CNTNAP2: variants seen among roughly 807,000 people sequenced by gnomAD.
The protein encoded by CNTNAP2 is contactin associated protein 2.
CNTNAP2 carries 98 observed loss-of-function variants against 155.2 expected under a neutral mutation model. The ratio of observed to expected loss-of-function variants is 0.63; its 90% CI spans 0.54 to 0.75. The LOEUF is 0.75. CNTNAP2 is among the 30% of genes least tolerant of loss of function. The probability of loss-of-function intolerance (pLI) is 0.00; values close to 1 mark genes in which losing one functional copy is unlikely to be tolerated. For synonymous variants in CNTNAP2, 651 were observed against 631.2 expected (o/e 1.03, Z -0.47); for missense variants, 1,727 against 1,688.1 (o/e 1.02, Z -0.40).
At chr7:148,199,931 A>G (rs1795340910) in intron 18 of CNTNAP2, among the ~76,000 whole-genome samples, 1 of 152,224 alleles carries the variant, frequency 6.6e-6, no homozygotes, top group African/African-American at 2.4e-5. Context: ...AACTGGTGTG[A>G]GTCCTGGAGT....
At chr7:147,563,427 G>C (rs1022729130) in intron 12 of CNTNAP2, among the ~76,000 whole-genome samples, 1 of 151,920 alleles carries the variant, frequency 6.6e-6, no homozygotes, top group Admixed American at 6.6e-5. Context: ...TCAAGAGGTC[G>C]AGACCATTCT....
At chr7:146,528,915 T>C (rs1417969153) in intron 1 of CNTNAP2, among the ~76,000 whole-genome samples, 2 of 152,122 alleles carry the variant, frequency 1.3e-5, no homozygotes, top group Non-Finnish European at 2.9e-5. Context: ...AGTTAAAATA[T>C]AAATAATATA....
At chr7:147,565,351 T>C (rs992057407) in intron 12 of CNTNAP2, among the ~76,000 whole-genome samples, 3 of 151,164 alleles carry the variant, frequency 2.0e-5, no homozygotes, top group Admixed American at 6.6e-5. Flanking sequence ...CCATAAGGAG[T>C]GTAGGGCAGA....
Position 147,362,712 on chromosome 7 carries a change from G to A in CNTNAP2, c.1499-32897G>A, listed in dbSNP as rs113152633. ...TGCATATCTGTGTCCCTTCAAAAAC[G>A]TCATAAAACGCATACCCAAGGTGAA... On this transcript the variant is annotated intron_variant, in intron 9 of 23. Transcript: ENST00000361727. Among the ~76,000 whole-genome samples the A allele has an allele frequency of 4.0e-3, 605 of 152,080 alleles. 6 individuals are homozygous for A. The highest frequency in any genetic ancestry group is 0.013 in the African/African-American group (555 of 41,502).
chr7:148,182,047 G>A (rs1030514884), intron 18 of CNTNAP2, among the ~76,000 whole-genome samples: 3 of 150,802 alleles, frequency 2.0e-5, no homozygotes, highest in Admixed American at 6.6e-5. Context: ...GTGAGCCACC[G>A]CGCCTGGCCA....
intron 13 of CNTNAP2, among the ~76,000 whole-genome samples, chr7:147,680,502 T>C (rs1001405900): frequency 6.6e-6 from 1 of 151,902 alleles, no homozygotes; most frequent in Non-Finnish European, 1.5e-5. Flanking sequence ...AGCAATATAT[T>C]GGGGCCCCGG....
At chr7:147,740,600 A>G (rs1796941311) in intron 13 of CNTNAP2, among the ~76,000 whole-genome samples, 1 of 152,244 alleles carries the variant, frequency 6.6e-6, no homozygotes, top group African/African-American at 2.4e-5. Flanking sequence ...GGGTTTATGA[A>G]TAGGAAGAAA....
At position 148,420,752 on chromosome 7, in the gene CNTNAP2, C is replaced by T. The variant is rs1233104197; in HGVS notation, c.*5136C>T. The T allele has an allele frequency of 1.3e-5, 2 of 152,572 alleles. No homozygotes were observed. Among genetic ancestry groups the T allele is most frequent in the African/African-American group, 4.8e-5 (2 of 41,428 alleles). 9.5% of individuals were successfully genotyped at this position (152,572 alleles called of 1,614,324 possible). A position where few individuals can be genotyped will look rare whatever the true frequency, so the allele number is the denominator to read the frequency against. On this transcript the variant is annotated 3_prime_UTR_variant, in exon 24 of 24. Coordinates refer to ENST00000361727, the MANE Select transcript of CNTNAP2 (RefSeq NM_014141.6). The stretch of plus-strand genomic sequence containing the variant: ...TAAATTTTTTCAGTGAGCGTGGTGA[C>T]TGCAGAGGTTAGTGCTGTGAAAAGC...
In CNTNAP2 at chr7:148,278,463, G is replaced by A. The variant is rs887338222; in HGVS notation, c.3475+11337G>A. ...TGGTCACCTGTAGTCCCAGCTACTCGGGAGGCTGAGGCAGGAGAATGGCGT... is the reference window on the plus strand; with the variant it reads ...TGGTCACCTGTAGTCCCAGCTACTCAGGAGGCTGAGGCAGGAGAATGGCGT... On this transcript the variant is annotated intron_variant, in intron 21 of 23. Transcript: ENST00000361727. Among the ~76,000 whole-genome samples the A allele has an allele frequency of 3.3e-5, 5 of 151,892 alleles. No homozygotes were observed. In the South Asian group the frequency reaches 6.2e-4, roughly 19 times the overall value.
intron 13 of CNTNAP2, among the ~76,000 whole-genome samples, chr7:147,874,554 C>T (rs1388907567): frequency 1.3e-5 from 2 of 152,288 alleles, no homozygotes; most frequent in East Asian, 3.8e-4. Flanking sequence ...GGGCCCTGGG[C>T]CCAGCCCATG....
chr7:147,424,316 A>G (rs1233010376), intron 10 of CNTNAP2, among the ~76,000 whole-genome samples: 2 of 152,144 alleles, frequency 1.3e-5, no homozygotes, highest in Non-Finnish European at 2.9e-5. Context: ...CATCCCCACC[A>G]TATCAGTCCC....
intron 12 of CNTNAP2, among the ~76,000 whole-genome samples, chr7:147,563,500 A>G (rs920691045): frequency 6.6e-6 from 1 of 151,982 alleles, no homozygotes; most frequent in African/African-American, 2.4e-5. Flanking sequence ...TTCGTGGCAC[A>G]CACATGTAGT....
chr7:146,628,560 T>G (rs2129158218), intron 1 of CNTNAP2, among the ~76,000 whole-genome samples: 1 of 152,212 alleles, frequency 6.6e-6, no homozygotes, highest in South Asian at 2.1e-4. Flanking sequence ...TCATTCAGAA[T>G]GTTTATATAC....
chr7:146,392,353 C>T (rs1012263142), intron 1 of CNTNAP2, among the ~76,000 whole-genome samples: 1 of 150,010 alleles, frequency 6.7e-6, no homozygotes, highest in Non-Finnish European at 1.5e-5. Context: ...AGATGTTTCA[C>T]AAACAAATAA....
intron 6 of CNTNAP2, 27 bp downstream of exon 6, chr7:147,121,190 A>G: frequency 6.2e-7 from 1 of 1,608,198 alleles, no homozygotes; most frequent in Non-Finnish European, 8.5e-7. Flanking sequence ...AGAAATTGTA[A>G]TAAAATGTCA....
intron 13 of CNTNAP2, among the ~76,000 whole-genome samples, chr7:147,791,727 G>A (rs1001626265): frequency 6.6e-6 from 1 of 152,150 alleles, no homozygotes; most frequent in African/African-American, 2.4e-5. Context: ...CTGTGAAGCT[G>A]TGAGATGCCC....
chr7:148,080,544 G>A (rs1167180259), intron 15 of CNTNAP2, among the ~76,000 whole-genome samples: 1 of 148,546 alleles, frequency 6.7e-6, no homozygotes, highest in Non-Finnish European at 1.5e-5. Flanking sequence ...GACAGAGCTT[G>A]CAGCGAGCCG....
intron 8 of CNTNAP2, among the ~76,000 whole-genome samples, chr7:147,286,151 G>A (rs1360905394): frequency 6.6e-6 from 1 of 152,000 alleles, no homozygotes; most frequent in African/African-American, 2.4e-5. Context: ...TGATTTGAAT[G>A]TCCTTGCCGT....
At chr7:147,625,303 C>A (rs957552285) in intron 12 of CNTNAP2, among the ~76,000 whole-genome samples, 19 of 152,194 alleles carry the variant, frequency 1.2e-4, no homozygotes, top group Admixed American at 2.6e-4. Flanking sequence ...TGGATGGATA[C>A]CTCCTTCTCT....
Sources: allele counts gnomAD v4.1 joint callset (sites outside exome capture counted in the v4.1 genomes callset), GRCh38; gene constraint gnomAD v4.1.1; transcripts MANE v1.5; gene names NCBI Gene and HGNC (gene_info 2026-07-23, HGNC 2026-07-21).